NEBL: variants seen among roughly 807,000 people sequenced by gnomAD.
NEBL encodes the protein nebulette.
Under a neutral mutation model 140.2 loss-of-function variants are expected in NEBL, and 122 were observed. The observed-to-expected ratio is 0.87, with a 90% CI of 0.75 to 1.01. The LOEUF (loss-of-function observed/expected upper bound fraction) is 1.01, where lower values mean the gene tolerates loss of function less well. Among genes scored for constraint, NEBL ranks in the 50% least tolerant of loss-of-function variants. NEBL has a pLI of 0.00. For synonymous variants in NEBL, 436 were observed against 398.9 expected (o/e 1.09, Z -1.11); for missense variants, 1,365 against 1,231.3 (o/e 1.11, Z -1.62).
intron 4 of NEBL, among the ~76,000 whole-genome samples, chr10:20,938,295 C>A (rs1834626342): frequency 6.6e-6 from 1 of 152,228 alleles, no homozygotes; most frequent in African/African-American, 2.4e-5. Flanking sequence ...GTCTGCTGTT[C>A]TGCAGCCTCC....
intron 4 of NEBL, among the ~76,000 whole-genome samples, chr10:20,906,265 T>C: frequency 6.6e-6 from 1 of 152,194 alleles, no homozygotes; most frequent in East Asian, 1.9e-4. Context: ...GTGATGTCAA[T>C]GTTCCTTCTC....
intron 3 of NEBL, among the ~76,000 whole-genome samples, chr10:20,888,774 T>G (rs747053466): frequency 7.2e-5 from 11 of 152,214 alleles, no homozygotes; most frequent in Non-Finnish European, 1.5e-4. Context: ...CACAATAGAT[T>G]GCTCACTTCC....
At chr10:20,960,362 G>A (rs933646626) in intron 4 of NEBL, among the ~76,000 whole-genome samples, 8 of 152,068 alleles carry the variant, frequency 5.3e-5, no homozygotes, top group African/African-American at 1.4e-4. Context: ...AGAAAAATAA[G>A]GCAGTGATCT....
intron 1 of NEBL, among the ~76,000 whole-genome samples, chr10:21,282,335 T>G (rs1258430508): frequency 6.6e-6 from 1 of 152,062 alleles, no homozygotes; most frequent in Non-Finnish European, 1.5e-5. Context: ...TGCAAGAGGC[T>G]CCGTAGGGAG....
intron 2 of NEBL, among the ~76,000 whole-genome samples, chr10:21,039,772 C>A (rs1834185423): frequency 6.6e-6 from 1 of 152,152 alleles, no homozygotes; most frequent in Non-Finnish European, 1.5e-5. Flanking sequence ...TTAACTTTTT[C>A]TATTTTATTC....
At chr10:21,029,174 A>G in intron 2 of NEBL, 1 of 1,351,246 alleles carries the variant, frequency 7.4e-7, no homozygotes, top group Non-Finnish European at 1.1e-6. Context: ...CACAGTAATG[A>G]TAACAATGTG....
chr10:21,094,483 C>G (rs1837079931), intron 2 of NEBL, among the ~76,000 whole-genome samples: 1 of 113,770 alleles, frequency 8.8e-6, no homozygotes. Flanking sequence ...GCCTGGGAGA[C>G]AGCGAGACTC....
chr10:21,233,736 T>C (rs1325407826), intron 3 of NEBL, among the ~76,000 whole-genome samples: 1 of 135,042 alleles, frequency 7.4e-6, no homozygotes, highest in East Asian at 2.1e-4. Context: ...ATATTACATA[T>C]ATAGATATAT....
At position 20,971,757 on chromosome 10, in the gene NEBL, G is replaced by T. The variant is rs921214999; in HGVS notation, c.250-9978C>A. On this transcript the variant is annotated intron_variant, in intron 3 of 6. Transcript: ENST00000417816. ...GCCTCCCTAGTAGCTGGGACTATAG[G>T]CGCCCACCACCACACCCAGCTAATT... Among the ~76,000 whole-genome samples, 5 of 151,956 alleles carry T rather than the reference G, an allele frequency of 3.3e-5. No homozygotes were observed. The South Asian group carries it at 1.0e-3, about 32-fold the overall frequency.
At chr10:20,859,953 G>A (rs569968549) in intron 7 of NEBL, 127 bp from the exon 8 acceptor site, 155 of 571,324 alleles carry the variant, frequency 2.7e-4, no homozygotes, top group Middle Eastern at 1.4e-3. Flanking sequence ...GGTATCCATC[G>A]CCTTCTATAA....
intron 4 of NEBL, 143 bp from the exon 5 acceptor site, chr10:20,881,047 C>A: frequency 1.4e-6 from 1 of 705,142 alleles, no homozygotes; most frequent in Non-Finnish European, 2.6e-6. Flanking sequence ...AAGACAATAT[C>A]CACAATGCAT....
intron 2 of NEBL, among the ~76,000 whole-genome samples, chr10:21,072,798 A>G (rs1282765287): frequency 6.6e-6 from 1 of 152,012 alleles, no homozygotes; most frequent in Non-Finnish European, 1.5e-5. Context: ...CGAGACCAGC[A>G]TGGCCAACAT....
intron 2 of NEBL, among the ~76,000 whole-genome samples, chr10:21,149,786 G>C (rs1329147180): frequency 6.6e-6 from 1 of 152,328 alleles, no homozygotes; most frequent in East Asian, 1.9e-4. Context: ...GGTCTTGTAG[G>C]ACTGAGCCCT....
At chr10:21,004,866 T>A (rs1242683647) in intron 3 of NEBL, among the ~76,000 whole-genome samples, 1 of 152,228 alleles carries the variant, frequency 6.6e-6, no homozygotes, top group Non-Finnish European at 1.5e-5. Context: ...AAAGACTATT[T>A]GGAGAAACAC....
chr10:20,949,274 C>T (rs918013301), intron 4 of NEBL, among the ~76,000 whole-genome samples: 1 of 152,018 alleles, frequency 6.6e-6, no homozygotes, highest in Admixed American at 6.6e-5. Flanking sequence ...GGGAGGGGAA[C>T]ATCACACACT....
rs186897515 is a variant in NEBL, at chr10:21,132,061, T to C, written c.164+40322A>G. On this transcript the variant is annotated intron_variant, in intron 2 of 6. Coordinates refer to the NEBL transcript ENST00000417816. ...TTAGTATATTCTCAAAGTTATGCAA[T>C]AATAACCATTATATAAATCTAGAGC... Among the ~76,000 whole-genome samples the C allele has an allele frequency of 2.6e-5, 4 of 152,282 alleles. No homozygotes were observed. In the East Asian group the frequency reaches 7.7e-4, roughly 29 times the overall value.
chr10:20,859,019 G>A (rs1240666877), intron 8 of NEBL, among the ~76,000 whole-genome samples: 3 of 152,072 alleles, frequency 2.0e-5, no homozygotes, highest in Non-Finnish European at 4.4e-5. Flanking sequence ...TATGTTCCAT[G>A]TTCCTTTAAG....
At chr10:21,247,864 A>T (rs1209522295) in intron 3 of NEBL, 1 of 218,140 alleles carries the variant, frequency 4.6e-6, no homozygotes, top group Non-Finnish European at 1.0e-5. Context: ...ATCTATAAAA[A>T]GTTAGAAGAG....
chr10:21,143,323 T>C (rs987934022), intron 2 of NEBL, among the ~76,000 whole-genome samples: 5 of 151,230 alleles, frequency 3.3e-5, no homozygotes, highest in South Asian at 2.1e-4. Flanking sequence ...GTGGTGGGTG[T>C]CTGTAATCCC....
Sources: gnomAD v4.1 joint callset for allele counts (sites outside exome capture counted in the v4.1 genomes callset) on GRCh38, gnomAD v4.1.1 for gene constraint, MANE v1.5 for transcripts, NCBI Gene and HGNC (gene_info 2026-07-23, HGNC 2026-07-21) for gene names.